SYNRG: variants seen among roughly 807,000 people sequenced by gnomAD.
The protein encoded by SYNRG is synergin gamma.
SYNRG carries 37 observed loss-of-function variants against 130.9 expected under a neutral mutation model. That is an observed-to-expected ratio of 0.28 (90% CI 0.22 to 0.37). The LOEUF (loss-of-function observed/expected upper bound fraction) is 0.37. SYNRG is among the 10% of genes least tolerant of loss of function. The probability of loss-of-function intolerance (pLI) is 1.00; values close to 1 mark genes in which losing one functional copy is unlikely to be tolerated. For missense variants in SYNRG, 1,338 were observed against 1,588.9 expected, an observed-to-expected ratio of 0.84 and a Z score of 2.68; for synonymous variants, 539 against 568.1, an observed-to-expected ratio of 0.95 and a Z score of 0.73.
chr17:37,582,347 C>T (rs906523921), intron 6 of SYNRG, among the ~76,000 whole-genome samples: 3 of 152,140 alleles, frequency 2.0e-5, no homozygotes, highest in Non-Finnish European at 4.4e-5. Context: ...ACATTGTATT[C>T]CAAGTCTCCC....
At chr17:37,579,362 C>G in intron 6 of SYNRG, 3 of 1,304,246 alleles carry the variant, frequency 2.3e-6, no homozygotes, top group Non-Finnish European at 3.0e-6. Flanking sequence ...CATAAAGTCA[C>G]TGAATTCTTC....
At chr17:37,550,663 G>A (rs2058640949) in intron 14 of SYNRG, among the ~76,000 whole-genome samples, 2 of 149,524 alleles carry the variant, frequency 1.3e-5, no homozygotes, top group African/African-American at 4.9e-5. Context: ...CACAGAAAAT[G>A]TCTAAATTGA....
intron 14 of SYNRG, among the ~76,000 whole-genome samples, chr17:37,546,867 C>T (rs1358537491): frequency 6.6e-6 from 1 of 152,170 alleles, no homozygotes; most frequent in Admixed American, 6.5e-5. Flanking sequence ...TTTACTAAAG[C>T]AAACCATAAA....
chr17:37,575,497 ATTTTC>A (rs1568447550), intron 8 of SYNRG, among the ~76,000 whole-genome samples: 2 of 152,068 alleles, frequency 1.3e-5, no homozygotes, highest in African/African-American at 4.8e-5. Flanking sequence ...CACTTTAAGG[ATTTTC>A]TTTTCTTTTT....
At chr17:37,546,570 A>C (rs1160292966) in intron 14 of SYNRG, among the ~76,000 whole-genome samples, 1 of 152,172 alleles carries the variant, frequency 6.6e-6, no homozygotes, top group Non-Finnish European at 1.5e-5. Context: ...CTCTATTCAA[A>C]TCTCTTTTGA....
At position 37,522,637 on chromosome 17, in the gene SYNRG, C is replaced by CT. The variant is rs36077729; in HGVS notation, c.3667-1990dup. On this transcript the variant is annotated intron_variant, in intron 19 of 21. Coordinates refer to ENST00000612223, the MANE Select transcript of SYNRG (RefSeq NM_007247.6). ...TGTGCACCACCATGCCCAGCTAACA[C>CT]TTTTTTTTTTTTTTTTTTTTTGAGG... 2.5e-3 allele frequency among the ~76,000 whole-genome samples: 240 copies of CT among 97,760 alleles called. 2 individuals carry two copies. The highest frequency in any genetic ancestry group is 6.4e-3 in the South Asian group (18 of 2,792). The allele number at this position is 97,760 out of a possible 152,430, so 64.1% of individuals were successfully genotyped here.
chr17:37,600,305 C>T, intron 2 of SYNRG, 58 bp downstream of exon 2: 3 of 1,449,744 alleles, frequency 2.1e-6, no homozygotes, highest in Non-Finnish European at 2.8e-6. Flanking sequence ...TATTTAATTC[C>T]CAGATTCAGA....
intron 3 of SYNRG, among the ~76,000 whole-genome samples, chr17:37,591,586 G>C (rs1287459732): frequency 6.6e-6 from 1 of 152,148 alleles, no homozygotes; most frequent in East Asian, 1.9e-4. Flanking sequence ...TGTGTTATTG[G>C]TGAAGGAACA....
chr17:37,599,098 A>G (rs529148030), intron 2 of SYNRG, among the ~76,000 whole-genome samples: 2 of 152,230 alleles, frequency 1.3e-5, no homozygotes, highest in African/African-American at 4.8e-5. Context: ...TTTATCTTTT[A>G]TCTCTACTGC....
At chr17:37,579,668 T>A (rs1282537822) in intron 6 of SYNRG, among the ~76,000 whole-genome samples, 1 of 152,220 alleles carries the variant, frequency 6.6e-6, no homozygotes, top group African/African-American at 2.4e-5. Flanking sequence ...AGCTATTTTG[T>A]ATTTGGTTCA....
chr17:37,541,050 C>T (rs1420320890), intron 15 of SYNRG: 3 of 985,828 alleles, frequency 3.0e-6, no homozygotes, highest in Non-Finnish European at 3.6e-6. Context: ...TGCACGGTTT[C>T]CCTGCGTTTC....
chr17:37,532,340 G>A (rs1320846012), intron 19 of SYNRG, among the ~76,000 whole-genome samples: 5 of 152,096 alleles, frequency 3.3e-5, no homozygotes, highest in Admixed American at 6.5e-5. Flanking sequence ...AACACTATTA[G>A]TATTCATACA....
Position 37,535,264 on chromosome 17 carries a change from T to TA in SYNRG, c.3666+714dup, listed in dbSNP as rs943295861. Among the ~76,000 whole-genome samples, 1,144 of 147,712 alleles carry TA rather than the reference T, an allele frequency of 7.7e-3. 16 individuals are homozygous for TA. The highest frequency in any genetic ancestry group is 0.026 in the African/African-American group (1,069 of 40,526). ...AACACTGCAAAGCCTCTCATGAAAT[T>TA]AAAAAAAAAAATGTAAAAAATACCT... On this transcript the variant is annotated intron_variant, in intron 19 of 21. Coordinates refer to ENST00000612223, the MANE Select transcript of SYNRG (RefSeq NM_007247.6).
intron 6 of SYNRG, chr17:37,579,449 A>G (rs1344531951): frequency 7.7e-7 from 1 of 1,302,644 alleles, no homozygotes; most frequent in Admixed American, 2.3e-5. Flanking sequence ...AAAATGGAAA[A>G]TGGCAATGAA....
intron 11 of SYNRG, chr17:37,567,367 C>T (rs1369934435): frequency 6.6e-6 from 1 of 152,212 alleles, no homozygotes; most frequent in Non-Finnish European, 1.5e-5. Context: ...CGATTTAACA[C>T]ATTTTTATGT....
In SYNRG at chr17:37,533,578, TTTTC is replaced by T. The variant is rs1008428212; in HGVS notation, c.3666+2397_3666+2400del. On this transcript the variant is annotated intron_variant, in intron 19 of 21. Coordinates refer to ENST00000612223, the MANE Select transcript of SYNRG (RefSeq NM_007247.6). ...TTCTAATTTCATTATATTTTCTTTCTTTTCTTTTTCTTTTTTTTTTTTTTTTGAG... is the reference window on the plus strand; with the variant it reads ...TTCTAATTTCATTATATTTTCTTTCTTTTTTCTTTTTTTTTTTTTTTTGAG... Among the ~76,000 whole-genome samples the T allele has an allele frequency of 4.0e-5, 6 of 150,796 alleles. No individual in the cohort carries two copies. In the East Asian group the frequency reaches 5.8e-4, roughly 15 times the overall value.
intron 13 of SYNRG, among the ~76,000 whole-genome samples, chr17:37,560,635 G>A (rs1240297169): frequency 6.8e-6 from 1 of 147,780 alleles, no homozygotes; most frequent in Non-Finnish European, 1.5e-5. Context: ...TACTGTGCCC[G>A]ACCCTATCAT....
chr17:37,573,054 A>C (rs910714204), intron 8 of SYNRG, among the ~76,000 whole-genome samples: 81 of 152,250 alleles, frequency 5.3e-4, no homozygotes, highest in African/African-American at 1.9e-3. Flanking sequence ...TTAAAACAAA[A>C]ATTTTACATC....
At chr17:37,533,535 A>G (rs2056856557) in intron 19 of SYNRG, among the ~76,000 whole-genome samples, 1 of 151,268 alleles carries the variant, frequency 6.6e-6, no homozygotes, top group Non-Finnish European at 1.5e-5. Context: ...ATTAGTTAAT[A>G]ATTTTTTTAA....
Sources: allele counts gnomAD v4.1 joint callset (sites outside exome capture counted in the v4.1 genomes callset), GRCh38; gene constraint gnomAD v4.1.1; transcripts MANE v1.5; gene names NCBI Gene and HGNC (gene_info 2026-07-23, HGNC 2026-07-21).